ELAVL2: variants seen among roughly 807,000 people sequenced by gnomAD.
ELAVL2 encodes the protein ELAV-like protein 2.
A neutral mutation model predicts 34.6 loss-of-function variants in ELAVL2; 4 were observed. The observed-to-expected ratio is 0.12, with a 90% CI of 0.06 to 0.26. The LOEUF (loss-of-function observed/expected upper bound fraction) is 0.26. ELAVL2 is among the 10% of genes least tolerant of loss of function. The pLI, the probability that ELAVL2 is intolerant of heterozygous loss-of-function variation, is 1.00. For synonymous variants in ELAVL2, 193 were observed against 154.8 expected (o/e 1.25, Z -1.83); for missense variants, 432 against 442.8 (o/e 0.98, Z 0.22).
At chr9:23,807,826 G>C (rs1201383845) in intron 1 of ELAVL2, among the ~76,000 whole-genome samples, 1 of 152,112 alleles carries the variant, frequency 6.6e-6, no homozygotes, top group Non-Finnish European at 1.5e-5. Flanking sequence ...AACAAATACT[G>C]ATAATATTTC....
At chr9:23,808,088 T>A (rs994437715) in intron 1 of ELAVL2, among the ~76,000 whole-genome samples, 3 of 152,120 alleles carry the variant, frequency 2.0e-5, no homozygotes, top group African/African-American at 7.2e-5. Flanking sequence ...TCAAGGAGAA[T>A]AGAGTTTAAT....
At chr9:23,831,833 TGAGA>T in the ELAVL2 span, among the ~76,000 whole-genome samples, 21 of 149,406 alleles carry the variant, frequency 1.4e-4, no homozygotes, top group African/African-American at 5.2e-4. Flanking sequence ...GAGGGGGCAG[TGAGA>T]GAGAAGAAAA....
chr9:23,731,018 A>G lies in ELAVL2; in HGVS notation c.333+4T>C, dbSNP rs1450827939. On this transcript the variant is annotated splice_donor_region_variant and intron_variant, in intron 3 of 6. Coordinates refer to ENST00000397312, the MANE Select transcript of ELAVL2 (RefSeq NM_004432.5). ...AAGTAGATATAAAAAAACTTTAAAC[A>G]TACTTTTATTGTTTTGGTTTGAAGT... The G allele has an allele frequency of 2.2e-5, 35 of 1,606,474 alleles. No individual in the cohort carries two copies. Among genetic ancestry groups the G allele is most frequent in the Non-Finnish European group, 2.7e-5 (32 of 1,177,300 alleles).
intron 3 of ELAVL2, among the ~76,000 whole-genome samples, chr9:23,716,718 A>C (rs1487134498): frequency 6.6e-6 from 1 of 152,192 alleles, no homozygotes; most frequent in Non-Finnish European, 1.5e-5. Context: ...TATAGTTAAG[A>C]AATTTTTATC....
chr9:23,743,172 A>AAC (rs2049685369), intron 2 of ELAVL2, among the ~76,000 whole-genome samples: 1 of 152,190 alleles, frequency 6.6e-6, no homozygotes, highest in African/African-American at 2.4e-5. Flanking sequence ...GACAGAAATA[A>AAC]GTATCAATTT....
At chr9:23,783,484 G>C in intron 1 of ELAVL2, 7 of 985,338 alleles carry the variant, frequency 7.1e-6, no homozygotes, top group Non-Finnish European at 8.4e-6. Flanking sequence ...AAAACAACGA[G>C]GTTCATTATT....
At chr9:23,815,459 T>C (rs759703243) in intron 1 of ELAVL2, among the ~76,000 whole-genome samples, 4 of 152,178 alleles carry the variant, frequency 2.6e-5, no homozygotes, top group Non-Finnish European at 4.4e-5. Context: ...AAACATATGA[T>C]GGTGTATTAT....
At chr9:23,760,618 C>G (rs1369942186) in intron 2 of ELAVL2, among the ~76,000 whole-genome samples, 1 of 151,998 alleles carries the variant, frequency 6.6e-6, no homozygotes, top group Non-Finnish European at 1.5e-5. Context: ...ATATGCTTAT[C>G]ACACTCATTT....
intron 3 of ELAVL2, among the ~76,000 whole-genome samples, chr9:23,710,419 G>C (rs116964424): frequency 1.3e-5 from 2 of 152,152 alleles, no homozygotes; most frequent in Non-Finnish European, 1.5e-5. Flanking sequence ...AACTGCTCTC[G>C]TTTCTCTGAT....
intron 1 of ELAVL2, among the ~76,000 whole-genome samples, chr9:23,815,488 A>G (rs2063574710): frequency 1.3e-5 from 2 of 152,210 alleles, no homozygotes; most frequent in African/African-American, 2.4e-5. Flanking sequence ...AAAATCACTA[A>G]AAATGGTTCA....
chr9:23,695,959 C>T lies in ELAVL2; in HGVS notation c.714-2473G>A, dbSNP rs79746794. ...TCTGGCATCCCCAGACAGGAGGTTT[C>T]GAATTTTTTATAACAGGATCTCCGA... On this transcript the variant is annotated intron_variant, in intron 5 of 6. Transcript: ENST00000397312. Among the ~76,000 whole-genome samples, 1,185 of 152,250 alleles carry T rather than the reference C, an allele frequency of 7.8e-3. 16 individuals are homozygous for T. Among genetic ancestry groups the T allele is most frequent in the African/African-American group, 0.027 (1,134 of 41,530 alleles).
intron 1 of ELAVL2, among the ~76,000 whole-genome samples, chr9:23,800,496 C>T (rs572162095): frequency 1.1e-4 from 16 of 152,264 alleles, no homozygotes; most frequent in African/African-American, 3.8e-4. Flanking sequence ...TCCAGCCTAG[C>T]CCCCTTCCCT....
chr9:23,802,447 A>C (rs2137695336), intron 1 of ELAVL2, among the ~76,000 whole-genome samples: 1 of 152,278 alleles, frequency 6.6e-6, no homozygotes, highest in South Asian at 2.1e-4. Context: ...CAACTCCTGA[A>C]GACAATCTTA....
chr9:23,790,684 G>A (rs2655474), intron 1 of ELAVL2, among the ~76,000 whole-genome samples: 8,366 of 152,230 alleles, frequency 0.055, 743 homozygotes, highest in African/African-American at 0.19. Flanking sequence ...ACTATCTAAT[G>A]TAACTAGGCA....
the ELAVL2 span, among the ~76,000 whole-genome samples, chr9:23,836,242 T>A: frequency 6.6e-6 from 1 of 152,200 alleles, no homozygotes; most frequent in Non-Finnish European, 1.5e-5. Context: ...GAAATGTCAG[T>A]TTTTGTAAAC....
upstream of ELAVL2, among the ~76,000 whole-genome samples, chr9:23,827,893 G>A (rs1006574438): frequency 3.3e-5 from 5 of 152,050 alleles, no homozygotes. Flanking sequence ...GACAATACCT[G>A]GGGCTTGAGA....
chr9:23,720,547 G>T (rs981262476), intron 3 of ELAVL2, among the ~76,000 whole-genome samples: 14 of 152,116 alleles, frequency 9.2e-5, no homozygotes, highest in African/African-American at 3.4e-4. Flanking sequence ...AATAAATTAT[G>T]CTAGCATAAT....
At chr9:23,758,908 T>C (rs563585067) in intron 2 of ELAVL2, among the ~76,000 whole-genome samples, 1 of 152,184 alleles carries the variant, frequency 6.6e-6, no homozygotes, top group South Asian at 2.1e-4. Context: ...TAATTACTAG[T>C]ATCTCACCAA....
At chr9:23,843,195 C>T in the ELAVL2 span, among the ~76,000 whole-genome samples, 1 of 152,084 alleles carries the variant, frequency 6.6e-6, no homozygotes, top group African/African-American at 2.4e-5. Flanking sequence ...GCTATTCAAA[C>T]TCACAAGTAA....
Sources: allele counts gnomAD v4.1 joint callset (sites outside exome capture counted in the v4.1 genomes callset), GRCh38; gene constraint gnomAD v4.1.1; transcripts MANE v1.5; gene names NCBI Gene and HGNC (gene_info 2026-07-23, HGNC 2026-07-21).